Variants in TMEM184C observed in about 807,000 individuals in gnomAD.
The protein encoded by TMEM184C is transmembrane protein 34.
In TMEM184C, 25 loss-of-function variants were observed where a neutral mutation model predicts 54.5. The ratio of observed to expected loss-of-function variants is 0.46; its 90% confidence interval spans 0.33 to 0.64. The LOEUF is 0.64. TMEM184C is among the 30% of genes least tolerant of loss of function. The pLI, the probability that TMEM184C is intolerant of heterozygous loss-of-function variation, is 0.02. For missense variants in TMEM184C, 335 were observed against 520.3 expected, an observed-to-expected ratio of 0.64 and a Z score of 3.46; for synonymous variants, 148 against 181.5, an observed-to-expected ratio of 0.82 and a Z score of 1.49.
In TMEM184C at chr4:147,624,961, A is replaced by G; in HGVS notation, c.449A>G (p.Gln150Arg). 3.7e-6 allele frequency: 6 copies of G among 1,613,974 alleles called. No individual in the cohort carries two copies. Among genetic ancestry groups the G allele is most frequent in the Non-Finnish European group, 5.1e-6 (6 of 1,179,892 alleles). The change falls in exon 4 of 10, where the codon CAG becomes CGG. Residue 150 changes from glutamine (Q) to arginine (R), a missense_variant. By Grantham distance (43) the Gln-to-Arg change is conservative. Transcript: ENST00000296582. ...LVLILEAKDQ[Q>R]KHFPPLCCCP... ...TTAATCCTTGAAGCCAAAGATCAAC[A>G]GAAACATTTCCCTCCTTTATGTTGC...
rs549534858 is a variant in TMEM184C at position 147,636,127 on chromosome 4, T to A, written c.*1693T>A. On this transcript the variant is annotated 3_prime_UTR_variant, in exon 10 of 10. Transcript: ENST00000296582. ...CATTATTTACACAAACAGAAAAAAA[T>A]CCTAAAATTCATATGTAACGATAAA... The A allele has an allele frequency of 8.6e-5, 13 of 151,968 alleles. No individual in the cohort carries two copies. The highest frequency in any genetic ancestry group is 2.0e-4 in the Admixed American group (3 of 15,264). The allele number at this position is 151,968 out of a possible 1,614,324, so 9.4% of individuals were successfully genotyped here.
chr4:147,632,198 TAA>T (rs1379959706), intron 7 of TMEM184C, among the ~76,000 whole-genome samples: 1 of 142,892 alleles, frequency 7.0e-6, no homozygotes, highest in Admixed American at 7.0e-5. Flanking sequence ...AAGAATTTAG[TAA>T]AGAGGTGGGT....
At chr4:147,624,333 T>TAG (rs1293342859) in intron 3 of TMEM184C, among the ~76,000 whole-genome samples, 2 of 150,078 alleles carry the variant, frequency 1.3e-5, no homozygotes, top group African/African-American at 2.5e-5. Flanking sequence ...TTCAGATTGT[T>TAG]AAAGAATGTA....
Position 147,624,865 on chromosome 4 carries a change from A to C in TMEM184C, c.353A>C (p.Glu118Ala), listed in dbSNP as rs1374949619. The C allele has an allele frequency of 6.2e-7, 1 of 1,613,808 alleles. No homozygotes were observed. Among genetic ancestry groups the C allele is most frequent in the South Asian group, 1.1e-5 (1 of 91,082 alleles). ...GTGGATACCTGCAGAGAATGCTATG[A>C]AGCTTATGTAATTTACAACTTTATG... The part of the protein sequence containing the change: ...IYVDTCRECY[E>A]AYVIYNFMGF... The change falls in exon 4 of 10, where the codon GAA (glutamate) becomes GCA (alanine). Residue 118 changes from glutamate to alanine, a missense_variant. Glu to Ala is a moderately radical substitution (Grantham distance 107). Transcript: ENST00000296582.
At chr4:147,632,715 A>G in intron 7 of TMEM184C, 188 bp from the exon 8 acceptor site, 1 of 516,304 alleles carries the variant, frequency 1.9e-6, no homozygotes, top group Non-Finnish European at 3.4e-6. Flanking sequence ...AGACAAAACT[A>G]CTAGAAAAAT....
chr4:147,623,810 T>A (rs765442696), intron 1 of TMEM184C, 24 bp from the exon 2 acceptor site: 1 of 1,610,714 alleles, frequency 6.2e-7, no homozygotes. Flanking sequence ...GAATTTATAT[T>A]AACATGTTAT....
At position 147,634,491 on chromosome 4, in the gene TMEM184C, A is replaced by C. The variant is rs573717384; in HGVS notation, c.*57A>C. 8.3e-6 allele frequency: 13 copies of C among 1,567,090 alleles called. No individual in the cohort carries two copies. Among genetic ancestry groups the C allele is most frequent in the Non-Finnish European group, 1.1e-5 (13 of 1,155,192 alleles). ...ACATTATATCATTACCTGGTATCCC[A>C]TGGATTTTGTGCTTGGGACAGACCA... On this transcript the variant is annotated 3_prime_UTR_variant, in exon 10 of 10. Transcript: ENST00000296582.
chr4:147,628,160 CA>C (rs1453708776), intron 4 of TMEM184C, among the ~76,000 whole-genome samples, 200 bp from the exon 5 acceptor site: 30 of 152,138 alleles, frequency 2.0e-4, no homozygotes, highest in Non-Finnish European at 3.4e-4. Context: ...TCCTATATCT[CA>C]AAAAATAAAA....
chr4:147,634,384 G>A lies in TMEM184C; in HGVS notation c.1267G>A (p.Asp423Asn). The A allele has an allele frequency of 3.7e-6, 6 of 1,614,072 alleles. No homozygotes were observed. Among genetic ancestry groups the A allele is most frequent in the Non-Finnish European group, 5.1e-6 (6 of 1,179,978 alleles). The change falls in exon 10 of 10, where the codon GAT becomes AAT. Residue 423 changes from aspartate (D) to asparagine (N), a missense_variant. Coordinates refer to ENST00000296582, the MANE Select transcript of TMEM184C (RefSeq NM_018241.3). ...TAAGATATCTGATGAAATCCTTAGT[G>A]ATACTATAGGAGAGAAAAAAGAACC... The part of the protein sequence containing the change: ...TAKISDEILS[D>N]TIGEKKEPSD...
Position 147,617,858 on chromosome 4 carries a change from T to C in TMEM184C, c.-99T>C. ...AAGTCGCCCGACAGCTTTTTCTCCG[T>C]AGTATGCGAGTTGACAAAACAGCCA... On this transcript the variant is annotated 5_prime_UTR_variant, in exon 1 of 10. Coordinates refer to ENST00000296582, the MANE Select transcript of TMEM184C (RefSeq NM_018241.3). 6.4e-7 allele frequency: 1 copy of C among 1,556,348 alleles called. No individual in the cohort carries two copies. The highest frequency in any genetic ancestry group is 8.8e-7 in the Non-Finnish European group (1 of 1,134,540).
Position 147,634,498 on chromosome 4 carries a change from T to G in TMEM184C, c.*64T>G. The G allele has an allele frequency of 6.4e-7, 1 of 1,556,416 alleles. No homozygotes were observed. Among genetic ancestry groups the G allele is most frequent in the Non-Finnish European group, 8.7e-7 (1 of 1,147,676 alleles). ...ATCATTACCTGGTATCCCATGGATT[T>G]TGTGCTTGGGACAGACCATAAATGA... On this transcript the variant is annotated 3_prime_UTR_variant, in exon 10 of 10. Transcript: ENST00000296582.
In TMEM184C at chr4:147,633,818, A is replaced by C. The variant is rs1055584097; in HGVS notation, c.933A>C (p.Thr311=). The change falls in exon 9 of 10, where the codon ACA becomes ACC. Residue 311 remains threonine (T), a synonymous_variant. Coordinates refer to ENST00000296582, the MANE Select transcript of TMEM184C (RefSeq NM_018241.3). ...MFLAAIAHHY[T]FSYKPYVQEA... ...TCGCTGCCATTGCTCATCATTACAC[A>C]TTCTCATATAAACCATATGTCCAAG... 6.2e-7 allele frequency: 1 copy of C among 1,613,186 alleles called. No individual in the cohort carries two copies. The highest frequency in any genetic ancestry group is 8.5e-7 in the Non-Finnish European group (1 of 1,179,706).
chr4:147,624,031 G>A lies in TMEM184C; in HGVS notation c.255-31G>A, dbSNP rs758529890. 13 of 1,611,168 alleles carry A rather than the reference G, an allele frequency of 8.1e-6. No homozygotes were observed. The Admixed American group carries it at 2.2e-4, about 27-fold the overall frequency. On this transcript the variant is annotated intron_variant, in intron 2 of 9. Coordinates refer to ENST00000296582, the MANE Select transcript of TMEM184C (RefSeq NM_018241.3). ...TTATTTCATAAATATGACATAAAAT[G>A]TTTTAAATTTCTGTTTTCCTTTTCC...
rs1019434448 is a variant in TMEM184C at position 147,635,683 on chromosome 4, C to G, written c.*1249C>G. 2 of 151,916 alleles carry G rather than the reference C, an allele frequency of 1.3e-5. No homozygotes were observed. Among genetic ancestry groups the G allele is most frequent in the Admixed American group, 1.3e-4 (2 of 15,238 alleles). The allele number at this position is 151,916 out of a possible 1,614,324, so 9.4% of individuals were successfully genotyped here. ...AATCATACAAAGTCTTTATTCCATCCACTATTATAAACATTTCTATTAAAA... is the reference window on the plus strand; with the variant it reads ...AATCATACAAAGTCTTTATTCCATCGACTATTATAAACATTTCTATTAAAA... On this transcript the variant is annotated 3_prime_UTR_variant, in exon 10 of 10. Transcript: ENST00000296582.
intron 1 of TMEM184C, among the ~76,000 whole-genome samples, chr4:147,621,276 ACT>A (rs1344128858): frequency 6.7e-6 from 1 of 149,966 alleles, no homozygotes; most frequent in Non-Finnish European, 1.5e-5. Context: ...ATTCATCTCC[ACT>A]CTCTGTTTTG....
chr4:147,622,829 C>G (rs1417232209), intron 1 of TMEM184C, among the ~76,000 whole-genome samples: 1 of 152,126 alleles, frequency 6.6e-6, no homozygotes, highest in Non-Finnish European at 1.5e-5. Flanking sequence ...TGGCACAAAT[C>G]ATGGCTCACT....
At chr4:147,627,158 C>A (rs1560953109) in intron 4 of TMEM184C, among the ~76,000 whole-genome samples, 1 of 152,078 alleles carries the variant, frequency 6.6e-6, no homozygotes, top group Non-Finnish European at 1.5e-5. Context: ...AGGACAAGGC[C>A]CAAGGATGAA....
rs1471537741 is a variant in TMEM184C at position 147,624,962 on chromosome 4, G to T, written c.450G>T (p.Gln150His). The T allele has an allele frequency of 6.2e-7, 1 of 1,613,918 alleles. No homozygotes were observed. Among genetic ancestry groups the T allele is most frequent in the South Asian group, 1.1e-5 (1 of 91,078 alleles). ...LVLILEAKDQ[Q>H]KHFPPLCCCP... is the part of the protein sequence containing the mutation. ...TAATCCTTGAAGCCAAAGATCAACA[G>T]AAACATTTCCCTCCTTTATGTTGCT... Residue 150 changes from glutamine (Q) to histidine (H), a missense_variant, in exon 4 of 10, where the codon CAG becomes CAT. Gln to His is a conservative substitution (Grantham distance 24, BLOSUM62 0). Transcript: ENST00000296582.
chr4:147,625,045 T>A (rs1351514486), intron 4 of TMEM184C, 36 bp downstream of exon 4: 3 of 1,608,100 alleles, frequency 1.9e-6, no homozygotes, highest in Non-Finnish European at 2.6e-6. Context: ...TATGTTTTGG[T>A]TTTTCATTTA....
Sources: gnomAD v4.1 joint callset for allele counts (sites outside exome capture counted in the v4.1 genomes callset) on GRCh38, gnomAD v4.1.1 for gene constraint, MANE v1.5 for transcripts, NCBI Gene and HGNC (gene_info 2026-07-23, HGNC 2026-07-21) for gene names.